ATF6: variants seen among roughly 807,000 people sequenced by gnomAD.
ATF6 encodes activating transcription factor 6.
Under a neutral mutation model 83.6 loss-of-function variants are expected in ATF6, and 53 were observed. The observed-to-expected ratio is 0.63, with a 90% CI of 0.51 to 0.80. The LOEUF (loss-of-function observed/expected upper bound fraction) is 0.80. ATF6 is among the 30% of genes least tolerant of loss of function. ATF6 has a pLI of 0.00. For missense variants in ATF6, 744 were observed against 797.9 expected (o/e 0.93, Z 0.81); for synonymous variants, 288 against 285.8 (o/e 1.01, Z -0.08).
intron 10 of ATF6, among the ~76,000 whole-genome samples, chr1:161,848,513 TA>T (rs1321105049): frequency 1.3e-5 from 2 of 152,140 alleles, no homozygotes; most frequent in African/African-American, 2.4e-5. Flanking sequence ...TAACTGCTTA[TA>T]TTTTTTCAGT....
At chr1:161,911,812 T>A (rs978757362) in intron 14 of ATF6, among the ~76,000 whole-genome samples, 1 of 151,958 alleles carries the variant, frequency 6.6e-6, no homozygotes, top group Admixed American at 6.6e-5. Context: ...GGAAAAAGAG[T>A]TTATTGCCTT....
At position 161,912,358 on chromosome 1, in the gene ATF6, G is replaced by A. The variant is rs143219642; in HGVS notation, c.1782G>A (p.Val594=). 32 of 1,609,768 alleles carry A rather than the reference G, an allele frequency of 2.0e-5. No homozygotes were observed. In the African/African-American group the frequency reaches 3.1e-4, roughly 15 times the overall value. ...NKTTRPKMSI[V]LPAININENV... is the part of the protein sequence containing the mutation. ...CCACAAGACCAAAAATGTCAATTGT[G>A]TTACCAGCAATAAACATAAATGGTA... Residue 594 remains valine (V), a synonymous_variant, in exon 15 of 16, where the codon GTG becomes GTA. Transcript: ENST00000367942.
chr1:161,926,899 T>G (rs891263214), intron 15 of ATF6, among the ~76,000 whole-genome samples: 2 of 143,320 alleles, frequency 1.4e-5, no homozygotes, highest in African/African-American at 5.0e-5. Flanking sequence ...ATTCTAAATG[T>G]CAAGTAATAG....
chr1:161,892,941 C>T (rs910692055), intron 14 of ATF6, among the ~76,000 whole-genome samples: 3 of 151,632 alleles, frequency 2.0e-5, no homozygotes, highest in South Asian at 2.1e-4. Context: ...CCTGGCGGGT[C>T]ATTCTTTAAA....
At chr1:161,784,719 T>A (rs1294674447) in intron 4 of ATF6, among the ~76,000 whole-genome samples, 3 of 152,200 alleles carry the variant, frequency 2.0e-5, no homozygotes, top group Non-Finnish European at 4.4e-5. Flanking sequence ...CTATAAATTG[T>A]GGTATCTTTG....
intron 15 of ATF6, among the ~76,000 whole-genome samples, chr1:161,957,717 C>T (rs1472221086): frequency 6.6e-6 from 1 of 152,196 alleles, no homozygotes; most frequent in Admixed American, 6.5e-5. Flanking sequence ...TCTAGCTTAC[C>T]TGCAAGTTCT....
At chr1:161,951,769 A>G (rs1309319059) in intron 15 of ATF6, among the ~76,000 whole-genome samples, 6 of 152,206 alleles carry the variant, frequency 3.9e-5, no homozygotes, top group Non-Finnish European at 8.8e-5. Flanking sequence ...CTGGTTTCAC[A>G]GAACTTGAGT....
At chr1:161,842,688 G>T (rs61802510) in intron 9 of ATF6, among the ~76,000 whole-genome samples, 74,478 of 152,024 alleles carry the variant, frequency 0.49, 22,173 homozygotes, top group Non-Finnish European at 0.66. Flanking sequence ...AAATATCACA[G>T]ATCACCACTA....
At chr1:161,921,486 G>A (rs1160987954) in intron 15 of ATF6, among the ~76,000 whole-genome samples, 3 of 152,076 alleles carry the variant, frequency 2.0e-5, no homozygotes, top group East Asian at 3.9e-4. Context: ...GGAATGGGAA[G>A]AAAGGAAAAA....
At chr1:161,844,272 G>A (rs1046476239) in intron 9 of ATF6, among the ~76,000 whole-genome samples, 8 of 152,146 alleles carry the variant, frequency 5.3e-5, no homozygotes, top group African/African-American at 1.9e-4. Context: ...TTCAGACTAT[G>A]CTGTAAAGAG....
chr1:161,804,784 C>T (rs1685238845), intron 7 of ATF6, among the ~76,000 whole-genome samples: 1 of 151,444 alleles, frequency 6.6e-6, no homozygotes, highest in African/African-American at 2.4e-5. Flanking sequence ...TAAACATATT[C>T]CAATTAATTA....
chr1:161,952,671 A>G (rs1375949298), intron 15 of ATF6, among the ~76,000 whole-genome samples: 4 of 152,092 alleles, frequency 2.6e-5, no homozygotes, highest in Non-Finnish European at 5.9e-5. Flanking sequence ...CAGGCATTAT[A>G]TATATATAAT....
intron 14 of ATF6, among the ~76,000 whole-genome samples, chr1:161,886,689 G>A (rs546407948): frequency 6.6e-6 from 1 of 152,286 alleles, no homozygotes; most frequent in South Asian, 2.1e-4. Flanking sequence ...GTCCATTGTT[G>A]ACAGACACAT....
chr1:161,859,836 A>G (rs546819061), intron 12 of ATF6, among the ~76,000 whole-genome samples: 9 of 152,232 alleles, frequency 5.9e-5, no homozygotes, highest in Admixed American at 3.3e-4. Flanking sequence ...TTCATTATGG[A>G]CTTTTCATAC....
At chr1:161,940,924 T>C (rs958690597) in intron 15 of ATF6, among the ~76,000 whole-genome samples, 12 of 152,164 alleles carry the variant, frequency 7.9e-5, no homozygotes, top group Non-Finnish European at 1.2e-4. Flanking sequence ...CTCTTTATTC[T>C]TGTTGTACCA....
intron 15 of ATF6, among the ~76,000 whole-genome samples, chr1:161,926,966 GT>G (rs1333489331): frequency 3.3e-5 from 5 of 151,340 alleles, no homozygotes; most frequent in African/African-American, 9.7e-5. Context: ...TTGGTTCCAT[GT>G]TTTTTTTTAG....
chr1:161,859,090 A>G (rs901366957), intron 12 of ATF6, among the ~76,000 whole-genome samples: 1 of 152,118 alleles, frequency 6.6e-6, no homozygotes, highest in African/African-American at 2.4e-5. Flanking sequence ...GTATTTTATT[A>G]TTTAACTGTG....
chr1:161,930,754 C>T (rs1266934878), intron 15 of ATF6, among the ~76,000 whole-genome samples: 2 of 152,208 alleles, frequency 1.3e-5, no homozygotes, highest in Non-Finnish European at 1.5e-5. Flanking sequence ...ATAAAAATTA[C>T]ACCATATTTA....
intron 15 of ATF6, among the ~76,000 whole-genome samples, chr1:161,921,112 T>C (rs951945050): frequency 6.6e-5 from 10 of 152,178 alleles, no homozygotes; most frequent in African/African-American, 2.4e-4. Flanking sequence ...GTTGCTGTGT[T>C]GAGTCAACAA....
Sources: allele counts gnomAD v4.1 joint callset (sites outside exome capture counted in the v4.1 genomes callset), GRCh38; gene constraint gnomAD v4.1.1; transcripts MANE v1.5; gene names NCBI Gene and HGNC (gene_info 2026-07-23, HGNC 2026-07-21).